Variants in RHOG observed in about 807,000 individuals in gnomAD.
The protein encoded by RHOG is ras homolog family member G, also known as rho-related GTP-binding protein RhoG.
RHOG carries 1 observed loss-of-function variant against 12.3 expected under a neutral mutation model. The ratio of observed to expected loss-of-function variants is 0.08; its 90% confidence interval spans 0.03 to 0.39. The LOEUF is 0.39. RHOG is among the 10% of genes least tolerant of loss of function. The probability of loss-of-function intolerance (pLI) is 0.99; values close to 1 mark genes in which losing one functional copy is unlikely to be tolerated. For synonymous variants in RHOG, 129 were observed against 116.0 expected, an observed-to-expected ratio of 1.11 and a Z score of -0.72; for missense variants, 114 against 266.2, an observed-to-expected ratio of 0.43 and a Z score of 3.98.
At chr11:3,833,787 CTG>C (rs2090142805) in intron 1 of RHOG, among the ~76,000 whole-genome samples, 1 of 152,222 alleles carries the variant, frequency 6.6e-6, no homozygotes, top group African/African-American at 2.4e-5. Flanking sequence ...TCAATGTCCT[CTG>C]CAAACAAGCC....
intron 1 of RHOG, among the ~76,000 whole-genome samples, chr11:3,837,360 G>C (rs1184241500): frequency 1.3e-5 from 2 of 152,156 alleles, no homozygotes; most frequent in Non-Finnish European, 2.9e-5. Context: ...AACATTCTCT[G>C]CCTTCTTATC....
chr11:3,839,485 A>C (rs866103782), intron 1 of RHOG, among the ~76,000 whole-genome samples: 1 of 141,890 alleles, frequency 7.0e-6, no homozygotes, highest in African/African-American at 2.6e-5. Flanking sequence ...CGCGCGCGCG[A>C]ACACACACAC....
Position 3,827,283 on chromosome 11 carries a change from G to C in RHOG, c.*280C>G, listed in dbSNP as rs2090084100. The C allele has an allele frequency of 4.1e-6, 2 of 485,110 alleles. 1 individual carries two copies. Among genetic ancestry groups the C allele is most frequent in the South Asian group, 6.0e-5 (2 of 33,332 alleles). The allele number at this position is 485,110 out of a possible 1,614,324, so 30.1% of individuals were successfully genotyped here. A position where few individuals can be genotyped will look rare whatever the true frequency, so the allele number is the denominator to read the frequency against. ...TGAACTGGTCAGTAGCGGAAAATGG[G>C]AGGGGGCACTGGGTTGGCCTCTTGG... On this transcript the variant is annotated 3_prime_UTR_variant, in exon 2 of 2. Transcript: ENST00000351018. The surrounding 1 kb of genome is among the most constrained non-coding windows in gnomAD (Gnocchi z 7.3).
chr11:3,840,191 C>A (rs2090182508), intron 1 of RHOG, among the ~76,000 whole-genome samples: 1 of 152,106 alleles, frequency 6.6e-6, no homozygotes, highest in African/African-American at 2.4e-5. Context: ...AGGGCAAGAC[C>A]AAGTTACTCC....
At position 3,827,537 on chromosome 11, in the gene RHOG, G is replaced by A; in HGVS notation, c.*26C>T. ...GCACAACTGGTGGGGGGAGGGCAGG[G>A]GCAGCCTCCAAGCCAAGTGCCAGGG... On this transcript the variant is annotated 3_prime_UTR_variant, in exon 2 of 2. Transcript: ENST00000351018. This position sits in a 1 kb window ranked among gnomAD's most constrained non-coding sequence, Gnocchi z 7.3. 2 of 1,576,772 alleles carry A rather than the reference G, an allele frequency of 1.3e-6. No individual in the cohort carries two copies. The highest frequency in any genetic ancestry group is 1.7e-6 in the Non-Finnish European group (2 of 1,160,918).
intron 1 of RHOG, among the ~76,000 whole-genome samples, chr11:3,829,190 G>T (rs577311944): frequency 6.6e-6 from 1 of 152,076 alleles, no homozygotes; most frequent in Non-Finnish European, 1.5e-5. Flanking sequence ...GCTGAGTAAG[G>T]GGCTCAATTC....
intron 1 of RHOG, among the ~76,000 whole-genome samples, chr11:3,830,034 A>G (rs890655205): frequency 4.6e-5 from 7 of 152,216 alleles, no homozygotes; most frequent in African/African-American, 1.7e-4. Context: ...GGCATGAGCC[A>G]CCATGCCCGG....
intron 1 of RHOG, chr11:3,840,606 G>A (rs940135246): frequency 8.0e-5 from 12 of 150,784 alleles, no homozygotes; most frequent in Admixed American, 7.9e-4. Context: ...TTCCACTTCA[G>A]AGACACTTAT....
chr11:3,834,555 A>G (rs959203655), intron 1 of RHOG, among the ~76,000 whole-genome samples: 1 of 152,226 alleles, frequency 6.6e-6, no homozygotes, highest in African/African-American at 2.4e-5. Flanking sequence ...GAAATAGGCA[A>G]AAATCTCTCT....
chr11:3,827,533 C>T lies in RHOG; in HGVS notation c.*30G>A. On this transcript the variant is annotated 3_prime_UTR_variant, in exon 2 of 2. Coordinates refer to ENST00000351018, the MANE Select transcript of RHOG (RefSeq NM_001665.4). The surrounding 1 kb of genome is among the most constrained non-coding windows in gnomAD (Gnocchi z 7.3). ...CAAGGCACAACTGGTGGGGGGAGGG[C>T]AGGGGCAGCCTCCAAGCCAAGTGCC... is the stretch of plus-strand genomic sequence containing the variant. The T allele has an allele frequency of 3.2e-6, 5 of 1,564,780 alleles. No homozygotes were observed. Among genetic ancestry groups the T allele is most frequent in the Non-Finnish European group, 4.3e-6 (5 of 1,151,310 alleles).
chr11:3,827,583 G>C lies in RHOG; in HGVS notation c.556C>G (p.Arg186Gly). ...CAGGGTCACAAGAGGATGCAGGACC[G>C]CCCACGCTTGATCGGCGTGGGGTTG... Reference protein sequence around the residue: ...VLNPTPIKRGRSCILL With the variant: ...VLNPTPIKRGGSCILL The change falls in exon 2 of 2, where the codon CGG becomes GGG. Residue 186 changes from arginine to glycine, a missense_variant. This residue lies in a region of RHOG where 61 missense variants were observed against 101.4 expected (regional missense o/e 0.60). Coordinates refer to ENST00000351018, the MANE Select transcript of RHOG (RefSeq NM_001665.4). This position sits in a 1 kb window ranked among gnomAD's most constrained non-coding sequence, Gnocchi z 7.3. The C allele has an allele frequency of 6.2e-7, 1 of 1,606,764 alleles. No homozygotes were observed.
intron 1 of RHOG, among the ~76,000 whole-genome samples, chr11:3,833,591 G>T (rs1032564627): frequency 6.6e-6 from 1 of 152,166 alleles, no homozygotes; most frequent in African/African-American, 2.4e-5. Context: ...TACCAGCTGT[G>T]TGACCCTGAG....
rs373478599 is a variant in RHOG, at chr11:3,839,085, A to G, written c.-69+1809T>C. ...TCCGCCGCTTCTTAAGTCCGAAGTTAGACCAGCTGCAGTCTTTCCTCCAGA... is the reference window on the plus strand; with the variant it reads ...TCCGCCGCTTCTTAAGTCCGAAGTTGGACCAGCTGCAGTCTTTCCTCCAGA... On this transcript the variant is annotated intron_variant, in intron 1 of 1. Coordinates refer to ENST00000351018, the MANE Select transcript of RHOG (RefSeq NM_001665.4). 1.7e-4 allele frequency among the ~76,000 whole-genome samples: 26 copies of G among 152,316 alleles called. No individual in the cohort carries two copies. The East Asian group carries it at 4.3e-3, about 25-fold the overall frequency.
At chr11:3,829,778 GCT>G (rs1366464435) in intron 1 of RHOG, among the ~76,000 whole-genome samples, 1 of 151,134 alleles carries the variant, frequency 6.6e-6, no homozygotes, top group African/African-American at 2.4e-5. Flanking sequence ...ACGGAGTCTT[GCT>G]CTGTCGCCCA....
intron 1 of RHOG, among the ~76,000 whole-genome samples, chr11:3,835,298 C>T (rs2135139282): frequency 6.6e-6 from 1 of 152,324 alleles, no homozygotes; most frequent in African/African-American, 2.4e-5. Flanking sequence ...ACTCACCCCC[C>T]TTCAGATCCT....
chr11:3,828,046 C>T lies in RHOG; in HGVS notation c.93G>A (p.Glu31=), dbSNP rs774893077. ...ICYTTNAFPK[E]YIPTVFDNYS... ...AATTGTCGAACACGGTGGGGATGTA[C>T]TCTTTGGGGAAAGCGTTAGTTGTGT... The change falls in exon 2 of 2, where the codon GAG becomes GAA. Residue 31 remains glutamate (E), a synonymous_variant. Transcript: ENST00000351018. 9.9e-6 allele frequency: 16 copies of T among 1,614,170 alleles called. No individual in the cohort carries two copies. The Admixed American group carries it at 1.3e-4, about 13-fold the overall frequency.
rs751822730 is a variant in RHOG at position 3,827,963 on chromosome 11, G to A, written c.176C>T (p.Ala59Val). ...RTVNLNLWDT[A>V]GQEEYDRLRT... ...GAGGCGGTCATACTCCTCCTGGCCC[G>A]CAGTGTCCCACAGGTTCAGGTTCAC... is the stretch of plus-strand genomic sequence containing the variant. The change falls in exon 2 of 2, where the codon GCG becomes GTG. Residue 59 changes from alanine (A) to valine (V), a missense_variant. Ala to Val is a moderately conservative substitution (Grantham distance 64). Coordinates refer to ENST00000351018, the MANE Select transcript of RHOG (RefSeq NM_001665.4). This position sits in a 1 kb window ranked among gnomAD's most constrained non-coding sequence, Gnocchi z 7.3. 2 of 1,614,260 alleles carry A rather than the reference G, an allele frequency of 1.2e-6. No homozygotes were observed. Among genetic ancestry groups the A allele is most frequent in the South Asian group, 2.2e-5 (2 of 91,090 alleles).
chr11:3,832,258 G>A (rs2090134222), intron 1 of RHOG, among the ~76,000 whole-genome samples: 1 of 152,148 alleles, frequency 6.6e-6, no homozygotes, highest in African/African-American at 2.4e-5. Context: ...TTCTACAGAT[G>A]AGGAAACAAA....
chr11:3,828,219 G>C lies in RHOG; in HGVS notation c.-68-13C>G, dbSNP rs867663460. 18 of 1,302,702 alleles carry C rather than the reference G, an allele frequency of 1.4e-5. No homozygotes were observed. The Middle Eastern group carries it at 3.0e-3, about 217-fold the overall frequency. The allele number at this position is 1,302,702 out of a possible 1,614,324, so 80.7% of individuals were successfully genotyped here. ...TGGCTGCAGTGACCTGTGGACAGAT[G>C]AAAGGGGACATTCTTGGTTAGGGAG... On this transcript the variant is annotated splice_polypyrimidine_tract_variant and intron_variant, in intron 1 of 1. Transcript: ENST00000351018.
Sources: allele counts gnomAD v4.1 joint callset (sites outside exome capture counted in the v4.1 genomes callset), GRCh38; gene constraint gnomAD v4.1.1; regional missense constraint gnomAD v4.1.1; non-coding constraint Gnocchi (gnomAD v3.1); transcripts MANE v1.5; gene names NCBI Gene and HGNC (gene_info 2026-07-23, HGNC 2026-07-21).